Variants in LDB2 observed in about 807,000 individuals in gnomAD.
LDB2 encodes LIM domain binding 2.
A neutral mutation model predicts 44.3 loss-of-function variants in LDB2; 12 were observed. The ratio of observed to expected loss-of-function variants is 0.27; its 90% CI spans 0.17 to 0.44. The LOEUF is 0.44. LDB2 is among the 20% of genes least tolerant of loss of function. LDB2 has a pLI of 1.00. For synonymous variants in LDB2, 164 were observed against 174.8 expected, an observed-to-expected ratio of 0.94 and a Z score of 0.49; for missense variants, 344 against 473.5, an observed-to-expected ratio of 0.73 and a Z score of 2.54.
At chr4:16,640,140 A>C (rs534860909) in intron 2 of LDB2, among the ~76,000 whole-genome samples, 2 of 152,370 alleles carry the variant, frequency 1.3e-5, no homozygotes, top group South Asian at 4.1e-4. Context: ...GTCAGTTGGA[A>C]TGCATTACCC....
At chr4:16,559,994 A>C (rs1404732325) in intron 5 of LDB2, among the ~76,000 whole-genome samples, 1 of 152,232 alleles carries the variant, frequency 6.6e-6, no homozygotes, top group Non-Finnish European at 1.5e-5. Flanking sequence ...TGAAGGCAGA[A>C]ATAAAGATGT....
intron 1 of LDB2, among the ~76,000 whole-genome samples, chr4:16,791,353 G>A (rs937755670): frequency 9.2e-5 from 14 of 151,798 alleles, no homozygotes; most frequent in African/African-American, 1.7e-4. Flanking sequence ...TCAGGAGTTC[G>A]AGACCAGCCT....
chr4:16,505,746 G>T, intron 7 of LDB2: 1 of 1,314,222 alleles, frequency 7.6e-7, no homozygotes, highest in Non-Finnish European at 1.0e-6. Context: ...TCCCCACAAG[G>T]CCAACTTCTG....
At chr4:16,612,060 T>C (rs1246975218) in intron 2 of LDB2, among the ~76,000 whole-genome samples, 1 of 152,082 alleles carries the variant, frequency 6.6e-6, no homozygotes, top group Non-Finnish European at 1.5e-5. Context: ...ATTAAGAAAC[T>C]CAGTAAAAAC....
intron 2 of LDB2, among the ~76,000 whole-genome samples, chr4:16,653,240 C>G (rs1384514940): frequency 1.3e-5 from 2 of 152,130 alleles, no homozygotes; most frequent in Admixed American, 1.3e-4. Flanking sequence ...CCCTCTTTTT[C>G]ATTTTTTGGC....
intron 2 of LDB2, among the ~76,000 whole-genome samples, chr4:16,752,816 G>A (rs1004444518): frequency 6.6e-6 from 1 of 152,064 alleles, no homozygotes; most frequent in East Asian, 1.9e-4. Flanking sequence ...TTATGGAGGA[G>A]CAAAGACTCA....
chr4:16,717,187 A>AATGATG lies in LDB2; in HGVS notation c.235+41965_235+41970dup, dbSNP rs1553981649. On this transcript the variant is annotated intron_variant, in intron 2 of 7. Coordinates refer to ENST00000304523, the MANE Select transcript of LDB2 (RefSeq NM_001290.5). ...TAATAATAATAATAATAATAATAATAATGATGATGAGGAGGACTACATTTA... is the reference window on the plus strand; with the variant it reads ...TAATAATAATAATAATAATAATAATAATGATGATGATGATGAGGAGGACTACATTTA... Among the ~76,000 whole-genome samples, 1,275 of 146,926 alleles carry AATGATG rather than the reference A, an allele frequency of 8.7e-3. 13 individuals carry two copies. Among genetic ancestry groups the AATGATG allele is most frequent in the African/African-American group, 0.026 (1,057 of 40,422 alleles).
At chr4:16,893,637 A>G (rs1724062400) in intron 1 of LDB2, among the ~76,000 whole-genome samples, 1 of 152,128 alleles carries the variant, frequency 6.6e-6, no homozygotes, top group African/African-American at 2.4e-5. Context: ...GAAACTAAAA[A>G]CTGTAATTCT....
intron 2 of LDB2, among the ~76,000 whole-genome samples, chr4:16,756,843 C>T (rs1051016895): frequency 6.6e-6 from 1 of 151,656 alleles, no homozygotes; most frequent in Non-Finnish European, 1.5e-5. Flanking sequence ...CCAAAAGGAC[C>T]CCCCTAGACA....
At chr4:16,808,434 A>G (rs1579855183) in intron 1 of LDB2, among the ~76,000 whole-genome samples, 1 of 152,182 alleles carries the variant, frequency 6.6e-6, no homozygotes, top group African/African-American at 2.4e-5. Flanking sequence ...GAGGCTGGGG[A>G]GCCTGAAAGT....
At chr4:16,553,340 T>C (rs956826856) in intron 5 of LDB2, among the ~76,000 whole-genome samples, 2 of 151,976 alleles carry the variant, frequency 1.3e-5, no homozygotes, top group African/African-American at 4.8e-5. Context: ...GAATTTTTTG[T>C]AGAGATAGAT....
At chr4:16,770,952 G>A (rs1402379342) in intron 1 of LDB2, among the ~76,000 whole-genome samples, 1 of 152,132 alleles carries the variant, frequency 6.6e-6, no homozygotes, top group Non-Finnish European at 1.5e-5. Context: ...CGAGATGCAG[G>A]ATAATGTCAT....
intron 2 of LDB2, among the ~76,000 whole-genome samples, chr4:16,711,722 G>C (rs1755909913): frequency 6.6e-6 from 1 of 152,150 alleles, no homozygotes; most frequent in Non-Finnish European, 1.5e-5. Context: ...AGACAGTATG[G>C]TTCCAACATA....
chr4:16,832,246 G>A (rs531799278), intron 1 of LDB2, among the ~76,000 whole-genome samples: 1 of 152,250 alleles, frequency 6.6e-6, no homozygotes, highest in East Asian at 1.9e-4. Context: ...GAAGGTGTTG[G>A]TATTATCATC....
At chr4:16,780,042 T>C (rs1772829338) in intron 1 of LDB2, among the ~76,000 whole-genome samples, 2 of 152,170 alleles carry the variant, frequency 1.3e-5, no homozygotes, top group African/African-American at 4.8e-5. Flanking sequence ...TCAAGTAGAC[T>C]TCCCTGTCAC....
intron 2 of LDB2, among the ~76,000 whole-genome samples, chr4:16,645,757 T>C (rs1409142618): frequency 6.6e-6 from 1 of 152,192 alleles, no homozygotes; most frequent in African/African-American, 2.4e-5. Context: ...CACATGAGCT[T>C]TGGGTCAGAG....
intron 1 of LDB2, among the ~76,000 whole-genome samples, chr4:16,779,929 T>C (rs1772799471): frequency 6.6e-6 from 1 of 152,232 alleles, no homozygotes; most frequent in South Asian, 2.1e-4. Flanking sequence ...TTCTTTTCTG[T>C]ATTTGTTTTT....
chr4:16,515,078 A>G (rs1413529965), intron 5 of LDB2, among the ~76,000 whole-genome samples: 1 of 152,246 alleles, frequency 6.6e-6, no homozygotes, highest in Admixed American at 6.5e-5. Flanking sequence ...AATGTGGTAC[A>G]CATTCACCAT....
chr4:16,714,079 A>T (rs1269136659), intron 2 of LDB2, among the ~76,000 whole-genome samples: 1 of 152,208 alleles, frequency 6.6e-6, no homozygotes, highest in Non-Finnish European at 1.5e-5. Context: ...AAATAGCCAC[A>T]AAAAAGTCAT....
Sources: gnomAD v4.1 joint callset for allele counts (sites outside exome capture counted in the v4.1 genomes callset) on GRCh38, gnomAD v4.1.1 for gene constraint, MANE v1.5 for transcripts, NCBI Gene and HGNC (gene_info 2026-07-23, HGNC 2026-07-21) for gene names.